The following CMAS variants were observed in gnomAD, a reference collection of about 807,000 sequenced individuals.
CMAS encodes cytidine monophosphate N-acetylneuraminic acid synthetase.
A neutral mutation model predicts 53.4 loss-of-function variants in CMAS; 21 were observed. The observed-to-expected ratio is 0.39, with a 90% CI of 0.28 to 0.57. CMAS has a LOEUF of 0.57. Ranked by LOEUF, CMAS falls within the 20% of genes least tolerant of loss-of-function variation. The pLI is 0.56. For synonymous variants in CMAS, 189 were observed against 195.2 expected (o/e 0.97, Z 0.27); for missense variants, 384 against 534.9 (o/e 0.72, Z 2.78).
intron 1 of CMAS, among the ~76,000 whole-genome samples, chr12:22,053,617 C>T (rs949247103): frequency 2.0e-5 from 3 of 151,172 alleles, no homozygotes; most frequent in Non-Finnish European, 2.9e-5. Context: ...CGGTGGCTCA[C>T]GCCTGTAATC....
Sources: gnomAD v4.1 joint callset for allele counts (sites outside exome capture counted in the v4.1 genomes callset) on GRCh38, gnomAD v4.1.1 for gene constraint, MANE v1.5 for transcripts, NCBI Gene and HGNC (gene_info 2026-07-23, HGNC 2026-07-21) for gene names.